PLEKHG6: variants seen among roughly 807,000 people sequenced by gnomAD.
PLEKHG6 encodes the protein pleckstrin homology and RhoGEF domain containing G6.
PLEKHG6 carries 91 observed loss-of-function variants against 97.5 expected under a neutral mutation model. The ratio of observed to expected loss-of-function variants is 0.93; its 90% CI spans 0.79 to 1.11. The LOEUF is 1.11. PLEKHG6 is among the 50% of genes most tolerant of loss of function. PLEKHG6 has a pLI of 0.00. For synonymous variants in PLEKHG6, 466 were observed against 425.5 expected (o/e 1.10, Z -1.17); for missense variants, 1,044 against 1,031.0 (o/e 1.01, Z -0.17).
Position 6,316,151 on chromosome 12 carries a change from C to A in PLEKHG6, c.607-104C>A. ...CAGTGCCCAGTTCATCCTTCTTCAC[C>A]CCCGCCCCTGCTGTCCAAGCTTAAG... On this transcript the variant is annotated intron_variant, in intron 6 of 15. Coordinates refer to ENST00000684764, the MANE Select transcript of PLEKHG6 (RefSeq NM_001384598.1). This position sits in a 1 kb window ranked among gnomAD's most constrained non-coding sequence, Gnocchi z 4.1. The A allele has an allele frequency of 8.4e-7, 1 of 1,190,386 alleles. No individual in the cohort carries two copies. The highest frequency in any genetic ancestry group is 1.2e-6 in the Non-Finnish European group (1 of 863,086). 73.7% of individuals were successfully genotyped at this position (1,190,386 alleles called of 1,614,324 possible). A position where few individuals can be genotyped will look rare whatever the true frequency, so the allele number is the denominator to read the frequency against.
At chr12:6,321,975 C>T (rs193057216) in intron 13 of PLEKHG6, among the ~76,000 whole-genome samples, 3 of 152,278 alleles carry the variant, frequency 2.0e-5, no homozygotes, top group African/African-American at 7.2e-5. Context: ...TATGACCTCC[C>T]TCAACTTCAA....
Position 6,328,468 on chromosome 12 carries a change from G to A in PLEKHG6, c.*323G>A, listed in dbSNP as rs891445470. The A allele has an allele frequency of 6.8e-6, 2 of 293,200 alleles. No homozygotes were observed. Among genetic ancestry groups the A allele is most frequent in the Non-Finnish European group, 1.3e-5 (2 of 158,792 alleles). 18.2% of individuals were successfully genotyped at this position (293,200 alleles called of 1,614,324 possible). On this transcript the variant is annotated 3_prime_UTR_variant, in exon 16 of 16. Transcript: ENST00000684764. ...GTTCCAGACCAGCCTGGGCAATATAGGGAAACCCTGTCTTTACAAAAAAAA... is the reference window on the plus strand; with the variant it reads ...GTTCCAGACCAGCCTGGGCAATATAAGGAAACCCTGTCTTTACAAAAAAAA...
At chr12:6,313,121 A>G in intron 2 of PLEKHG6, 3 of 1,542,428 alleles carry the variant, frequency 1.9e-6, no homozygotes, top group Non-Finnish European at 2.6e-6. Flanking sequence ...CCTTTCACAC[A>G]GAAGGGCAGC....
chr12:6,315,673 C>G lies in PLEKHG6; in HGVS notation c.555+24C>G, dbSNP rs59562184. ...ATGTGAGCCCCCCTCAGCCCCAGCC[C>G]CGGCCCCATCTTCCCTGCATGAGCC... On this transcript the variant is annotated intron_variant, in intron 5 of 15. Coordinates refer to ENST00000684764, the MANE Select transcript of PLEKHG6 (RefSeq NM_001384598.1). This position sits in a 1 kb window ranked among gnomAD's most constrained non-coding sequence, Gnocchi z 4.5. 9,663 of 1,452,572 alleles carry G rather than the reference C, an allele frequency of 6.7e-3. 517 individuals carry two copies. The African/African-American group carries it at 0.11, about 17-fold the overall frequency. The allele number at this position is 1,452,572 out of a possible 1,614,324, so 90.0% of individuals were successfully genotyped here.
intron 1 of PLEKHG6, among the ~76,000 whole-genome samples, chr12:6,311,757 C>A (rs1947277401): frequency 6.7e-6 from 1 of 149,774 alleles, no homozygotes; most frequent in African/African-American, 2.4e-5. Flanking sequence ...ACCATGGCCT[C>A]CCTCCAGCTT....
rs201283235 is a variant in PLEKHG6 at position 6,326,592 on chromosome 12, A to G, written c.1670+19A>G. The G allele has an allele frequency of 2.3e-5, 33 of 1,448,128 alleles. No homozygotes were observed. Among genetic ancestry groups the G allele is most frequent in the Non-Finnish European group, 2.9e-5 (32 of 1,098,446 alleles). The allele number at this position is 1,448,128 out of a possible 1,614,324, so 89.7% of individuals were successfully genotyped here. ...AGGGGAGGTAAGGCTCACACGGACT[A>G]CAAGGTCTCCCCGAGCAGGAGGAGG... On this transcript the variant is annotated intron_variant, in intron 14 of 15. Transcript: ENST00000684764.
At chr12:6,319,223 G>A (rs1345981793) in intron 13 of PLEKHG6, 115 bp downstream of exon 13, 13 of 702,320 alleles carry the variant, frequency 1.9e-5, no homozygotes, top group Non-Finnish European at 2.9e-5. Flanking sequence ...TGAGGCAGGT[G>A]GATCACCTGA....
chr12:6,311,508 A>G (rs1199495536), intron 1 of PLEKHG6, among the ~76,000 whole-genome samples: 1 of 152,238 alleles, frequency 6.6e-6, no homozygotes, highest in East Asian at 1.9e-4. Flanking sequence ...ACTAGCAAGA[A>G]GCAGTCACAG....
chr12:6,320,454 C>T (rs1314467503), intron 13 of PLEKHG6, among the ~76,000 whole-genome samples: 2 of 152,172 alleles, frequency 1.3e-5, no homozygotes, highest in African/African-American at 4.8e-5. Context: ...ATCCTTGCCT[C>T]TTCCAGCTCC....
At chr12:6,311,281 G>C (rs1373449976) in intron 1 of PLEKHG6, among the ~76,000 whole-genome samples, 1 of 152,184 alleles carries the variant, frequency 6.6e-6, no homozygotes, top group Non-Finnish European at 1.5e-5. Flanking sequence ...CAGCTCCATG[G>C]TGGTATTCCC....
chr12:6,324,071 T>C (rs1395990991), intron 13 of PLEKHG6, among the ~76,000 whole-genome samples: 2 of 152,080 alleles, frequency 1.3e-5, no homozygotes, highest in Non-Finnish European at 2.9e-5. Flanking sequence ...TCCCTTCCTC[T>C]TCTCAGTTTT....
In PLEKHG6 at chr12:6,318,742, C is replaced by T. The variant is rs1313008828; in HGVS notation, c.1276-3C>T. 5 of 1,613,802 alleles carry T rather than the reference C, an allele frequency of 3.1e-6. No homozygotes were observed. Among genetic ancestry groups the T allele is most frequent in the South Asian group, 2.2e-5 (2 of 91,076 alleles). ...TCTCTTTCCCCTACGCCCCCACCCC[C>T]AGCTGGACGTGTACCTGTTCCTCTT... On this transcript the variant is annotated splice_polypyrimidine_tract_variant and splice_region_variant and intron_variant, in intron 11 of 15. Coordinates refer to ENST00000684764, the MANE Select transcript of PLEKHG6 (RefSeq NM_001384598.1).
intron 3 of PLEKHG6, among the ~76,000 whole-genome samples, chr12:6,314,679 T>C (rs368255578): frequency 5.1e-4 from 77 of 152,206 alleles, no homozygotes; most frequent in African/African-American, 1.9e-3. Context: ...CCCCACCTCA[T>C]TCTGATTCAG....
In PLEKHG6 at chr12:6,312,487, T is replaced by C. The variant is rs1947308180; in HGVS notation, c.138+123T>C. The C allele has an allele frequency of 3.3e-6, 4 of 1,208,836 alleles. No individual in the cohort carries two copies. In the South Asian group the frequency reaches 4.9e-5, roughly 15 times the overall value. The allele number at this position is 1,208,836 out of a possible 1,614,324, so 74.9% of individuals were successfully genotyped here. ...CTATTCCTGCCCCTTACCCTACTCTTCTTTCCTGGGTTGCGGGAAAGAGGA... is the reference window on the plus strand; with the variant it reads ...CTATTCCTGCCCCTTACCCTACTCTCCTTTCCTGGGTTGCGGGAAAGAGGA... On this transcript the variant is annotated intron_variant, in intron 2 of 15. Transcript: ENST00000684764.
At chr12:6,312,030 G>C in intron 1 of PLEKHG6, 129 bp from the exon 2 acceptor site, 1 of 475,564 alleles carries the variant, frequency 2.1e-6, no homozygotes, top group Non-Finnish European at 3.6e-6. Flanking sequence ...CCCAACAAGT[G>C]ACCAAGCCCT....
intron 7 of PLEKHG6, 99 bp from the exon 8 acceptor site, chr12:6,317,204 C>T (rs890951632): frequency 2.7e-5 from 20 of 753,552 alleles, no homozygotes; most frequent in Admixed American, 1.4e-4. Flanking sequence ...AGGGCCCCTG[C>T]GAGGCTCTCT....
rs757905511 is a variant in PLEKHG6 at position 6,317,393 on chromosome 12, C to G, written c.847C>G (p.Leu283Val). 1.2e-6 allele frequency: 2 copies of G among 1,613,762 alleles called. No homozygotes were observed. Among genetic ancestry groups the G allele is most frequent in the Admixed American group, 1.7e-5 (1 of 60,008 alleles). The change falls in exon 8 of 16, where the codon CTC becomes GTC. Residue 283 changes from leucine to valine, a missense_variant. Coordinates refer to ENST00000684764, the MANE Select transcript of PLEKHG6 (RefSeq NM_001384598.1). Reference sequence around the variant, plus strand: ...CCGAGAACAGCAAGAAACTAACCCTCTCTTCCATGCCTTCGTGCAGGTGGG... The same window carrying G: ...CCGAGAACAGCAAGAAACTAACCCTGTCTTCCATGCCTTCGTGCAGGTGGG... ...YAREQQETNP[L>V]FHAFVQWCEK...
At position 6,316,117 on chromosome 12, in the gene PLEKHG6, T is replaced by G; in HGVS notation, c.607-138T>G. 1.0e-6 allele frequency: 1 copy of G among 954,344 alleles called. No individual in the cohort carries two copies. Among genetic ancestry groups the G allele is most frequent in the Non-Finnish European group, 1.5e-6 (1 of 652,416 alleles). The allele number at this position is 954,344 out of a possible 1,614,324, so 59.1% of individuals were successfully genotyped here. The stretch of plus-strand genomic sequence containing the variant: ...TTCTCAGACTGACATCCTTGAGATC[T>G]TCCAGGCCCAGTGCCCAGTTCATCC... On this transcript the variant is annotated intron_variant, in intron 6 of 15. Transcript: ENST00000684764. This position sits in a 1 kb window ranked among gnomAD's most constrained non-coding sequence, Gnocchi z 4.1.
At chr12:6,313,249 C>A (rs765836103) in intron 2 of PLEKHG6, 1 of 1,450,892 alleles carries the variant, frequency 6.9e-7, no homozygotes, top group Non-Finnish European at 9.5e-7. Flanking sequence ...TTACGAGAGA[C>A]CAGAATGCTG....
Sources: gnomAD v4.1 joint callset for allele counts (sites outside exome capture counted in the v4.1 genomes callset) on GRCh38, gnomAD v4.1.1 for gene constraint, Gnocchi (gnomAD v3.1) non-coding constraint, MANE v1.5 for transcripts, NCBI Gene and HGNC (gene_info 2026-07-23, HGNC 2026-07-21) for gene names.